APBA1: variants seen among roughly 807,000 people sequenced by gnomAD.
The protein encoded by APBA1 is amyloid-beta A4 precursor protein-binding family A member 1.
Under a neutral mutation model 86.6 loss-of-function variants are expected in APBA1, and 55 were observed. That is an observed-to-expected ratio of 0.64 (90% CI 0.51 to 0.80). APBA1 has a LOEUF of 0.80. APBA1 is among the 30% of genes least tolerant of loss of function. The pLI, the probability that APBA1 is intolerant of heterozygous loss-of-function variation, is 0.00. For synonymous variants in APBA1, 511 were observed against 493.9 expected, an observed-to-expected ratio of 1.03 and a Z score of -0.46; for missense variants, 1,090 against 1,183.0, an observed-to-expected ratio of 0.92 and a Z score of 1.15.
At position 69,460,126 on chromosome 9, in the gene APBA1, T is replaced by C. The variant is rs187773724; in HGVS notation, c.1483-1938A>G. 1.0e-3 allele frequency among the ~76,000 whole-genome samples: 159 copies of C among 152,324 alleles called. 1 individual carries two copies. Among genetic ancestry groups the C allele is most frequent in the African/African-American group, 3.5e-3 (145 of 41,584 alleles). ...ATTAGTGACTAAAATATGTTGCCTA[T>C]ACTACCTCATTGTAGAGAAACTGGA... On this transcript the variant is annotated intron_variant, in intron 5 of 12. Coordinates refer to ENST00000265381, the MANE Select transcript of APBA1 (RefSeq NM_001163.4).
chr9:69,601,965 AAT>A (rs1229843647), intron 1 of APBA1, among the ~76,000 whole-genome samples: 1 of 152,210 alleles, frequency 6.6e-6, no homozygotes, highest in African/African-American at 2.4e-5. Context: ...CAAGCCACAC[AAT>A]GAGTGACACA....
chr9:69,592,782 T>C (rs1458961969), intron 1 of APBA1, among the ~76,000 whole-genome samples: 5 of 152,110 alleles, frequency 3.3e-5, no homozygotes, highest in African/African-American at 1.2e-4. Context: ...GAACTCTGAG[T>C]CAACTAAACC....
chr9:69,472,160 T>A (rs1160334127), intron 3 of APBA1, among the ~76,000 whole-genome samples: 2 of 152,254 alleles, frequency 1.3e-5, no homozygotes, highest in Non-Finnish European at 2.9e-5. Context: ...CTAGAGTTTT[T>A]AAAAATCTCT....
intron 1 of APBA1, among the ~76,000 whole-genome samples, chr9:69,653,832 G>A (rs1184529230): frequency 1.3e-5 from 2 of 152,204 alleles, no homozygotes; most frequent in Admixed American, 1.3e-4. Context: ...TTTAGACCAG[G>A]TGTGGTGGCT....
chr9:69,559,023 CA>C (rs1836908284), intron 1 of APBA1, among the ~76,000 whole-genome samples: 1 of 152,188 alleles, frequency 6.6e-6, no homozygotes, highest in African/African-American at 2.4e-5. Flanking sequence ...CCCCACTCCT[CA>C]AAGTCATTAT....
At position 69,428,304 on chromosome 9, in the gene APBA1, A is replaced by C. The variant is rs1203528856; in HGVS notation, c.*3023T>G. 6.6e-6 allele frequency: 1 copy of C among 152,274 alleles called. No individual in the cohort carries two copies. The highest frequency in any genetic ancestry group is 1.5e-5 in the Non-Finnish European group (1 of 68,098). 9.4% of individuals were successfully genotyped at this position (152,274 alleles called of 1,614,324 possible). ...CAATGTTCAGAAAGCAAACCCGTGC[A>C]CAGGGACCCGGCACCCCTGCCATGC... On this transcript the variant is annotated 3_prime_UTR_variant, in exon 13 of 13. Coordinates refer to ENST00000265381, the MANE Select transcript of APBA1 (RefSeq NM_001163.4).
Position 69,516,094 on chromosome 9 carries a change from C to G in APBA1, c.1117G>C (p.Glu373Gln), listed in dbSNP as rs772591680. ...RTIRSPYTPD[E>Q]PKEPIWVMRQ... is the part of the protein sequence containing the mutation. ...ATGACCCAGATGGGCTCTTTGGGCT[C>G]GTCGGGGGTGTAAGGCGAACGGATG... is the stretch of plus-strand genomic sequence containing the variant. Residue 373 changes from glutamate (E) to glutamine (Q), a missense_variant, in exon 2 of 13, where the codon GAG becomes CAG. Glu to Gln is a conservative substitution (Grantham distance 29). Coordinates refer to ENST00000265381, the MANE Select transcript of APBA1 (RefSeq NM_001163.4). The surrounding 1 kb of genome is among the most constrained non-coding windows in gnomAD (Gnocchi z 7.3). 6.2e-7 allele frequency: 1 copy of G among 1,613,174 alleles called. No individual in the cohort carries two copies. Among genetic ancestry groups the G allele is most frequent in the East Asian group, 2.2e-5 (1 of 44,726 alleles).
At chr9:69,632,472 C>T (rs1340899867) in intron 1 of APBA1, among the ~76,000 whole-genome samples, 2 of 152,066 alleles carry the variant, frequency 1.3e-5, no homozygotes, top group Admixed American at 6.5e-5. Context: ...GTATGGAGGA[C>T]CTAAGCTTCC....
intron 11 of APBA1, among the ~76,000 whole-genome samples, chr9:69,437,332 G>T (rs1251420423): frequency 2.7e-5 from 4 of 150,544 alleles, no homozygotes. Flanking sequence ...CTATTGATTG[G>T]AATAGTTTCA....
chr9:69,575,390 C>T (rs1821773136), intron 1 of APBA1, among the ~76,000 whole-genome samples: 1 of 152,252 alleles, frequency 6.6e-6, no homozygotes, highest in East Asian at 1.9e-4. Flanking sequence ...AAAGAGCCTG[C>T]ATTGCCAAGT....
chr9:69,664,707 G>A (rs10867865), intron 1 of APBA1, among the ~76,000 whole-genome samples: 106,371 of 152,104 alleles, frequency 0.7, 39,310 homozygotes, highest in East Asian at 0.96. Flanking sequence ...GCATATTCAA[G>A]TTGACATAAA....
chr9:69,463,112 G>C (rs1835217919), intron 5 of APBA1: 1 of 152,186 alleles, frequency 6.6e-6, no homozygotes, highest in Admixed American at 6.5e-5. Context: ...TTTAATGACA[G>C]ATGTCTTCTA....
chr9:69,636,826 AGAGAGGGAGG>A (rs1390714120), intron 1 of APBA1, among the ~76,000 whole-genome samples: 590 of 32,628 alleles, frequency 0.018, 80 homozygotes, highest in African/African-American at 0.058. Context: ...AGAGAGAGAG[AGAGAGGGAGG>A]GAGGGAGGGA....
intron 1 of APBA1, among the ~76,000 whole-genome samples, chr9:69,609,432 T>C (rs749755191): frequency 1.3e-5 from 2 of 152,234 alleles, no homozygotes; most frequent in Non-Finnish European, 2.9e-5. Flanking sequence ...TTACTGATCC[T>C]TGTAGCCAAG....
intron 11 of APBA1, among the ~76,000 whole-genome samples, chr9:69,437,137 A>C (rs997311479): frequency 6.6e-6 from 1 of 151,832 alleles, no homozygotes; most frequent in Non-Finnish European, 1.5e-5. Context: ...CCACTTGATC[A>C]TGGTGGATAA....
At chr9:69,512,479 C>G (rs2133884519) in intron 2 of APBA1, among the ~76,000 whole-genome samples, 1 of 152,262 alleles carries the variant, frequency 6.6e-6, no homozygotes. Context: ...TTATTTGCTT[C>G]ATTATAGTTT....
chr9:69,612,294 C>A (rs956918229), intron 1 of APBA1, among the ~76,000 whole-genome samples: 8 of 151,830 alleles, frequency 5.3e-5, no homozygotes, highest in Non-Finnish European at 1.0e-4. Context: ...TATAAGTAAT[C>A]TAGGTATAAT....
At chr9:69,454,017 G>A (rs1342638726) in intron 8 of APBA1, among the ~76,000 whole-genome samples, 3 of 152,188 alleles carry the variant, frequency 2.0e-5, no homozygotes, top group African/African-American at 4.8e-5. Flanking sequence ...CCACCACACT[G>A]GAAGGCTTCT....
chr9:69,443,168 GT>G (rs1303048358), intron 10 of APBA1, among the ~76,000 whole-genome samples: 1 of 152,192 alleles, frequency 6.6e-6, no homozygotes, highest in Non-Finnish European at 1.5e-5. Context: ...CTTTTTAGAA[GT>G]GCAGATTCTG....
Sources: gnomAD v4.1 joint callset for allele counts (sites outside exome capture counted in the v4.1 genomes callset) on GRCh38, gnomAD v4.1.1 for gene constraint, Gnocchi (gnomAD v3.1) non-coding constraint, MANE v1.5 for transcripts, NCBI Gene and HGNC (gene_info 2026-07-23, HGNC 2026-07-21) for gene names.